DENND2A: variants seen among roughly 807,000 people sequenced by gnomAD.
DENND2A encodes DENN domain-containing protein 2A.
DENND2A carries 53 observed loss-of-function variants against 105.3 expected under a neutral mutation model. The observed-to-expected ratio is 0.50, with a 90% CI of 0.40 to 0.63. DENND2A has a LOEUF of 0.63. DENND2A is among the 30% of genes least tolerant of loss of function. DENND2A has a pLI of 0.00. For synonymous variants in DENND2A, 522 were observed against 508.4 expected, an observed-to-expected ratio of 1.03 and a Z score of -0.36; for missense variants, 1,138 against 1,279.6, an observed-to-expected ratio of 0.89 and a Z score of 1.69.
At chr7:140,598,267 T>A (rs1209007163) in intron 3 of DENND2A, among the ~76,000 whole-genome samples, 2 of 151,994 alleles carry the variant, frequency 1.3e-5, no homozygotes, top group Admixed American at 6.6e-5. Flanking sequence ...AAAAATCTAA[T>A]CTCTAGTCCT....
intron 14 of DENND2A, among the ~76,000 whole-genome samples, chr7:140,529,377 G>A (rs1046579092): frequency 2.0e-5 from 3 of 152,186 alleles, no homozygotes; most frequent in Admixed American, 2.0e-4. Context: ...CATTGTGGAA[G>A]ACAGTGTGGC....
At chr7:140,610,563 TC>T (rs1055654320) in intron 1 of DENND2A, among the ~76,000 whole-genome samples, 1 of 152,168 alleles carries the variant, frequency 6.6e-6, no homozygotes, top group Non-Finnish European at 1.5e-5. Context: ...TACAGTTCCT[TC>T]CAGGCTTATC....
intron 1 of DENND2A, among the ~76,000 whole-genome samples, chr7:140,628,362 T>C (rs1800608546): frequency 1.3e-5 from 2 of 151,984 alleles, no homozygotes; most frequent in Admixed American, 1.3e-4. Context: ...AAGGCGGAGG[T>C]CGCCCTCAGA....
rs1243168360 is a variant in DENND2A, at chr7:140,587,661, T to C, written c.1115A>G (p.Asp372Gly). The C allele has an allele frequency of 6.2e-7, 1 of 1,613,846 alleles. No individual in the cohort carries two copies. Among genetic ancestry groups the C allele is most frequent in the Non-Finnish European group, 8.5e-7 (1 of 1,179,990 alleles). The change falls in exon 4 of 20, where the codon GAC (aspartate) becomes GGC (glycine). Residue 372 changes from aspartate (D) to glycine (G), a missense_variant. Asp to Gly is a moderately conservative substitution (Grantham distance 94, BLOSUM62 -1). This residue lies in a region of DENND2A where 511 missense variants were observed against 499.9 expected (regional missense o/e 1.02). Coordinates refer to ENST00000496613, the MANE Select transcript of DENND2A (RefSeq NM_015689.5). ...RTLSEENVYEDILDPPMKENP... is the reference protein window; with the variant it reads ...RTLSEENVYEGILDPPMKENP... ...ACGCTGTGGCTTCTTACCTAGAATG[T>C]CTTCATAGACGTTCTCCTCCGATAA...
chr7:140,529,095 G>A (rs189327884), intron 14 of DENND2A, among the ~76,000 whole-genome samples: 1 of 152,186 alleles, frequency 6.6e-6, no homozygotes, highest in African/African-American at 2.4e-5. Flanking sequence ...ACAGAGTGAG[G>A]CACTGCCTCA....
chr7:140,584,330 C>T (rs1032290324), intron 5 of DENND2A, among the ~76,000 whole-genome samples: 1 of 152,210 alleles, frequency 6.6e-6, no homozygotes, highest in African/African-American at 2.4e-5. Context: ...GACTGCCTCA[C>T]ACTACAGTGG....
At chr7:140,579,481 C>T (rs1417303067) in intron 5 of DENND2A, among the ~76,000 whole-genome samples, 1 of 151,576 alleles carries the variant, frequency 6.6e-6, no homozygotes, top group African/African-American at 2.4e-5. Flanking sequence ...CAACCTCCGC[C>T]TCCCAGATTC....
intron 16 of DENND2A, among the ~76,000 whole-genome samples, chr7:140,525,353 C>T (rs1381475734): frequency 6.6e-6 from 1 of 151,878 alleles, no homozygotes; most frequent in African/African-American, 2.4e-5. Context: ...TGGGGTTTCA[C>T]CATATTAGTC....
chr7:140,540,612 G>A (rs1009331548), intron 14 of DENND2A, among the ~76,000 whole-genome samples: 21 of 152,206 alleles, frequency 1.4e-4, no homozygotes, highest in Non-Finnish European at 2.4e-4. Context: ...CTGTGGGAGG[G>A]GCTGGCCCAG....
chr7:140,622,095 C>A (rs989970532), intron 1 of DENND2A, among the ~76,000 whole-genome samples: 19 of 152,222 alleles, frequency 1.2e-4, no homozygotes, highest in African/African-American at 3.9e-4. Context: ...AGCATAATGA[C>A]CTTTAAATTT....
chr7:140,555,532 G>A (rs1272634481), intron 12 of DENND2A, 104 bp downstream of exon 12: 1 of 928,622 alleles, frequency 1.1e-6, no homozygotes, highest in Non-Finnish European at 1.7e-6. Flanking sequence ...GAAGTAGGTA[G>A]AGAATAAGAT....
intron 3 of DENND2A, among the ~76,000 whole-genome samples, chr7:140,597,760 G>A (rs191286130): frequency 1.4e-3 from 220 of 152,302 alleles, no homozygotes; most frequent in Non-Finnish European, 2.2e-3. Context: ...TGGGGGTGTG[G>A]GACCTCCTTG....
intron 13 of DENND2A, 47 bp downstream of exon 13, chr7:140,546,752 C>T: frequency 6.2e-7 from 1 of 1,607,384 alleles, no homozygotes; most frequent in South Asian, 1.1e-5. Context: ...ACTCGGCTGT[C>T]TGGGCCACTG....
intron 9 of DENND2A, among the ~76,000 whole-genome samples, chr7:140,566,739 T>G (rs594215): frequency 0.45 from 64,924 of 144,032 alleles, 15,125 homozygotes; most frequent in African/African-American, 0.57. Flanking sequence ...CAGGCCGGAG[T>G]GCAGTGGCGT....
intron 5 of DENND2A, among the ~76,000 whole-genome samples, chr7:140,576,288 T>C (rs1188368748): frequency 1.3e-5 from 2 of 152,176 alleles, no homozygotes; most frequent in Non-Finnish European, 2.9e-5. Flanking sequence ...GTGTTAATCT[T>C]TTCTTTTGTA....
intron 3 of DENND2A, among the ~76,000 whole-genome samples, chr7:140,593,091 C>A (rs1799129443): frequency 6.6e-6 from 1 of 152,212 alleles, no homozygotes; most frequent in South Asian, 2.1e-4. Flanking sequence ...TTCATTTACA[C>A]ATTAACTTTG....
chr7:140,601,487 G>T lies in DENND2A; in HGVS notation c.911C>A (p.Pro304His). Reference protein sequence around the residue: ...RNLPPLPSLPPPPLPSSPPPS... With the variant: ...RNLPPLPSLPHPPLPSSPPPS... ...TGGGGGAGAGGAGGGCAGAGGCGGG[G>T]GAGGTAGAGAGGGCAGAGGAGGCAG... Residue 304 changes from proline to histidine, a missense_variant, in exon 3 of 20, where the codon CCC (proline) becomes CAC (histidine). Pro to His is a moderately conservative substitution (Grantham distance 77). This residue lies in a region of DENND2A where 511 missense variants were observed against 499.9 expected (regional missense o/e 1.02). Coordinates refer to ENST00000496613, the MANE Select transcript of DENND2A (RefSeq NM_015689.5). The T allele has an allele frequency of 1.9e-6, 3 of 1,614,048 alleles. No individual in the cohort carries two copies. The highest frequency in any genetic ancestry group is 2.5e-6 in the Non-Finnish European group (3 of 1,179,948).
chr7:140,631,213 A>T (rs891515799), intron 1 of DENND2A, among the ~76,000 whole-genome samples: 3 of 152,192 alleles, frequency 2.0e-5, no homozygotes, highest in Middle Eastern at 3.2e-3. Flanking sequence ...GCAGATGGAT[A>T]GGAATAGAAG....
At chr7:140,630,222 C>A (rs269265) in intron 1 of DENND2A, among the ~76,000 whole-genome samples, 1 of 151,838 alleles carries the variant, frequency 6.6e-6, no homozygotes, top group South Asian at 2.1e-4. Flanking sequence ...GTGATCCTCC[C>A]ACCTCAGCCT....
Sources: gnomAD v4.1 joint callset for allele counts (sites outside exome capture counted in the v4.1 genomes callset) on GRCh38, gnomAD v4.1.1 for gene constraint, gnomAD v4.1.1 regional missense constraint, MANE v1.5 for transcripts, NCBI Gene and HGNC (gene_info 2026-07-23, HGNC 2026-07-21) for gene names.